ELAVL2: variants seen among roughly 807,000 people sequenced by gnomAD.
ELAVL2 encodes the protein ELAV-like protein 2.
In ELAVL2, 4 loss-of-function variants were observed where a neutral mutation model predicts 34.6. That is an observed-to-expected ratio of 0.12 (90% CI 0.06 to 0.26). The LOEUF is 0.26. Ranked by LOEUF, ELAVL2 falls within the 10% of genes least tolerant of loss-of-function variation. The pLI is 1.00. For synonymous variants in ELAVL2, 193 were observed against 154.8 expected, an observed-to-expected ratio of 1.25 and a Z score of -1.83; for missense variants, 432 against 442.8, an observed-to-expected ratio of 0.98 and a Z score of 0.22.
At chr9:23,749,603 G>A (rs1356064304) in intron 2 of ELAVL2, among the ~76,000 whole-genome samples, 1 of 152,048 alleles carries the variant, frequency 6.6e-6, no homozygotes, top group Admixed American at 6.6e-5. Flanking sequence ...AATGTTAAAT[G>A]GTCCTGGGTT....
chr9:23,823,144 G>T (rs1392805958), intron 1 of ELAVL2, among the ~76,000 whole-genome samples: 1 of 152,206 alleles, frequency 6.6e-6, no homozygotes, highest in Non-Finnish European at 1.5e-5. Context: ...CCCCAAATCC[G>T]ATTTGCAATT....
chr9:23,751,706 T>C (rs1395506001), intron 2 of ELAVL2, among the ~76,000 whole-genome samples: 1 of 152,154 alleles, frequency 6.6e-6, no homozygotes, highest in South Asian at 2.1e-4. Flanking sequence ...AACCAACACT[T>C]CATGGCTCAA....
At chr9:23,764,481 A>C (rs913763236) in intron 1 of ELAVL2, among the ~76,000 whole-genome samples, 1 of 152,170 alleles carries the variant, frequency 6.6e-6, no homozygotes, top group South Asian at 2.1e-4. Flanking sequence ...ATAAAATGAT[A>C]CTAATGTGCT....
At chr9:23,713,148 G>T (rs1564017522) in intron 3 of ELAVL2, among the ~76,000 whole-genome samples, 1 of 152,130 alleles carries the variant, frequency 6.6e-6, no homozygotes, top group Non-Finnish European at 1.5e-5. Context: ...CCCTTTTATT[G>T]TTGTTTCTCC....
intron 3 of ELAVL2, among the ~76,000 whole-genome samples, chr9:23,721,995 C>T (rs530721106): frequency 3.6e-4 from 55 of 152,238 alleles, no homozygotes; most frequent in Non-Finnish European, 6.6e-4. Flanking sequence ...CCATAGCCCC[C>T]GAATTGTTCA....
chr9:23,701,159 G>A (rs924090828), intron 5 of ELAVL2, among the ~76,000 whole-genome samples: 2 of 152,208 alleles, frequency 1.3e-5, no homozygotes, highest in Non-Finnish European at 2.9e-5. Context: ...AATCACTGCT[G>A]TAGGTTACTG....
chr9:23,817,656 C>T (rs1171308134), intron 1 of ELAVL2, among the ~76,000 whole-genome samples: 1 of 152,108 alleles, frequency 6.6e-6, no homozygotes, highest in Admixed American at 6.5e-5. Context: ...CAATGGAATA[C>T]AAGCTTAGAG....
intron 4 of ELAVL2, among the ~76,000 whole-genome samples, chr9:23,702,202 A>G (rs2037497454): frequency 6.6e-6 from 1 of 152,230 alleles, no homozygotes; most frequent in Non-Finnish European, 1.5e-5. Flanking sequence ...CAGTTCTCTG[A>G]AGCTCTCTTG....
chr9:23,846,828 G>A, the ELAVL2 span, among the ~76,000 whole-genome samples: 1 of 152,004 alleles, frequency 6.6e-6, no homozygotes, highest in Admixed American at 6.6e-5. Context: ...CTCAGAATAT[G>A]TGGCAATTAC....
chr9:23,694,206 G>A (rs768188515), intron 5 of ELAVL2, among the ~76,000 whole-genome samples: 18 of 150,884 alleles, frequency 1.2e-4, no homozygotes, highest in African/African-American at 2.9e-4. Flanking sequence ...AGGAAGTGTC[G>A]TCCTACTCAG....
chr9:23,848,381 T>C, the ELAVL2 span, among the ~76,000 whole-genome samples: 1 of 152,314 alleles, frequency 6.6e-6, no homozygotes, highest in East Asian at 1.9e-4. Flanking sequence ...TGTTACTAAA[T>C]TGATTCCTCT....
chr9:23,760,980 A>G (rs1564331500), intron 2 of ELAVL2, among the ~76,000 whole-genome samples: 3 of 151,882 alleles, frequency 2.0e-5, no homozygotes. Context: ...GCCCAGTGTT[A>G]CCCCCTTTTT....
intron 3 of ELAVL2, among the ~76,000 whole-genome samples, chr9:23,707,671 T>C (rs1490994262): frequency 1.3e-5 from 2 of 152,218 alleles, no homozygotes; most frequent in African/African-American, 4.8e-5. Flanking sequence ...ACCAGTTCTG[T>C]GAACTTAGAA....
At chr9:23,807,449 AT>A (rs547203638) in intron 1 of ELAVL2, among the ~76,000 whole-genome samples, 22 of 152,196 alleles carry the variant, frequency 1.4e-4, no homozygotes, top group Non-Finnish European at 2.8e-4. Flanking sequence ...AGCCACTGAC[AT>A]TTTTTTAAAA....
At chr9:23,735,563 G>C (rs540389582) in intron 2 of ELAVL2, 1 of 152,264 alleles carries the variant, frequency 6.6e-6, no homozygotes, top group Non-Finnish European at 1.5e-5. Flanking sequence ...ACAGGCGTGA[G>C]CCACCGTACC....
At chr9:23,798,221 A>G (rs1486542564) in intron 1 of ELAVL2, among the ~76,000 whole-genome samples, 1 of 152,242 alleles carries the variant, frequency 6.6e-6, no homozygotes, top group Non-Finnish European at 1.5e-5. Context: ...GAGACAGTTC[A>G]TAATATTAGT....
intron 1 of ELAVL2, among the ~76,000 whole-genome samples, chr9:23,801,697 A>C (rs1274086448): frequency 6.6e-6 from 1 of 152,272 alleles, no homozygotes; most frequent in African/African-American, 2.4e-5. Flanking sequence ...TTAGTTATCC[A>C]AACTAAAATG....
chr9:23,844,552 T>TA, the ELAVL2 span, among the ~76,000 whole-genome samples: 1 of 152,026 alleles, frequency 6.6e-6, no homozygotes, highest in Admixed American at 6.6e-5. Flanking sequence ...AGGATCGTGG[T>TA]AGTATTTTAG....
At chr9:23,759,750 AGTAT>A (rs1229066285) in intron 2 of ELAVL2, among the ~76,000 whole-genome samples, 34 of 97,550 alleles carry the variant, frequency 3.5e-4, no homozygotes, top group African/African-American at 1.5e-3. Flanking sequence ...CATCATATAT[AGTAT>A]TATATATATA....
Sources: allele counts gnomAD v4.1 joint callset (sites outside exome capture counted in the v4.1 genomes callset), GRCh38; gene constraint gnomAD v4.1.1; transcripts MANE v1.5; gene names NCBI Gene and HGNC (gene_info 2026-07-23, HGNC 2026-07-21).